Variants in BMF observed in about 807,000 individuals in gnomAD.
The protein encoded by BMF is bcl-2-modifying factor.
In BMF, 10 loss-of-function variants were observed where a neutral mutation model predicts 22.0. The ratio of observed to expected loss-of-function variants is 0.45; its 90% CI spans 0.28 to 0.77. The LOEUF is 0.77. Among genes scored for constraint, BMF ranks in the 30% least tolerant of loss-of-function variants. BMF has a pLI of 0.13. For synonymous variants in BMF, 87 were observed against 88.1 expected, an observed-to-expected ratio of 0.99 and a Z score of 0.07; for missense variants, 206 against 226.8, an observed-to-expected ratio of 0.91 and a Z score of 0.59.
chr15:40,105,667 G>A (rs772115789), intron 3 of BMF, 128 bp downstream of exon 3: 14 of 1,181,560 alleles, frequency 1.2e-5, no homozygotes, highest in Non-Finnish European at 1.7e-5. Flanking sequence ...GCAGGTGGAA[G>A]TCAAGGAATC....
At chr15:40,102,416 C>CAAAAAA (rs71132141) in intron 4 of BMF, among the ~76,000 whole-genome samples, 1 of 95,838 alleles carries the variant, frequency 1.0e-5, no homozygotes. Flanking sequence ...GCGAAAGAGC[C>CAAAAAA]AAAAAAAAAA....
Position 40,089,950 on chromosome 15 carries a change from G to C in BMF, c.*1837C>G, listed in dbSNP as rs2036203172. On this transcript the variant is annotated 3_prime_UTR_variant, in exon 5 of 5. Coordinates refer to ENST00000354670, the MANE Select transcript of BMF (RefSeq NM_001003940.2). Reference sequence around the variant, plus strand: ...AGACAAATCATGGTACACACCCTGAGAATAGAATTCTGACCAAGAAGAGGT... The same window carrying C: ...AGACAAATCATGGTACACACCCTGACAATAGAATTCTGACCAAGAAGAGGT... The C allele has an allele frequency of 6.6e-6, 1 of 152,646 alleles. No homozygotes were observed. Among genetic ancestry groups the C allele is most frequent in the Non-Finnish European group, 1.5e-5 (1 of 68,056 alleles). The allele number at this position is 152,646 out of a possible 1,614,324, so 9.5% of individuals were successfully genotyped here.
At chr15:40,101,147 G>A (rs1190330830) in intron 4 of BMF, among the ~76,000 whole-genome samples, 1 of 152,246 alleles carries the variant, frequency 6.6e-6, no homozygotes, top group Non-Finnish European at 1.5e-5. Flanking sequence ...GGACCAGGCA[G>A]GTGGAGGGAA....
intron 4 of BMF, among the ~76,000 whole-genome samples, chr15:40,096,153 CTTTTTTT>C (rs532459310): frequency 8.7e-6 from 1 of 115,096 alleles, no homozygotes; most frequent in African/African-American, 3.5e-5. Flanking sequence ...AAAAGGCCTC[CTTTTTTT>C]TTTTTTTTTT....
intron 4 of BMF, among the ~76,000 whole-genome samples, chr15:40,096,970 C>T (rs1052794030): frequency 2.0e-5 from 3 of 152,212 alleles, no homozygotes; most frequent in African/African-American, 4.8e-5. Flanking sequence ...GGAAGGTGCA[C>T]AGTCCACGAT....
At chr15:40,104,047 G>A (rs926587946) in intron 4 of BMF, 133 bp downstream of exon 4, 31 of 1,230,782 alleles carry the variant, frequency 2.5e-5, no homozygotes, top group South Asian at 9.7e-5. Context: ...CATGGGAACC[G>A]CCATAACCAA....
intron 4 of BMF, among the ~76,000 whole-genome samples, chr15:40,098,046 C>T (rs1028486464): frequency 3.3e-5 from 5 of 152,242 alleles, no homozygotes; most frequent in Non-Finnish European, 7.4e-5. Context: ...GAACGAGCAA[C>T]GTGGCAAAAC....
intron 4 of BMF, among the ~76,000 whole-genome samples, chr15:40,092,437 A>G (rs1452576216): frequency 6.7e-6 from 1 of 149,074 alleles, no homozygotes; most frequent in African/African-American, 2.5e-5. Flanking sequence ...CAGTGCAAAC[A>G]CGCACACACA....
At chr15:40,095,078 A>G (rs552204695) in intron 4 of BMF, among the ~76,000 whole-genome samples, 62 of 152,304 alleles carry the variant, frequency 4.1e-4, no homozygotes, top group African/African-American at 1.5e-3. Flanking sequence ...GAGCTCCAAC[A>G]ACTGAATTCT....
chr15:40,092,291 C>A lies in BMF; in HGVS notation c.454-403G>T, dbSNP rs591402. 7.9e-5 allele frequency among the ~76,000 whole-genome samples: 12 copies of A among 152,246 alleles called. No homozygotes were observed. The East Asian group carries it at 1.7e-3, about 22-fold the overall frequency. On this transcript the variant is annotated intron_variant, in intron 4 of 4. Coordinates refer to ENST00000354670, the MANE Select transcript of BMF (RefSeq NM_001003940.2). The stretch of plus-strand genomic sequence containing the variant: ...AAGAGAAGAAGTGCCCCCCTCTCTC[C>A]CCCGACTCCAAAGTAACACAGAGAA...
intron 4 of BMF, among the ~76,000 whole-genome samples, chr15:40,096,504 C>T (rs1359581477): frequency 1.3e-5 from 2 of 152,198 alleles, no homozygotes; most frequent in Non-Finnish European, 2.9e-5. Context: ...ATCTCAGATA[C>T]AGAACAGAGC....
intron 4 of BMF, among the ~76,000 whole-genome samples, chr15:40,098,938 T>C (rs1436148984): frequency 6.6e-6 from 1 of 152,168 alleles, no homozygotes. Flanking sequence ...TAGCGAGCGA[T>C]ATAAACAGAG....
chr15:40,100,779 C>T (rs2141030766), intron 4 of BMF, among the ~76,000 whole-genome samples: 1 of 152,358 alleles, frequency 6.6e-6, no homozygotes, highest in East Asian at 1.9e-4. Context: ...CAGGTCGATA[C>T]ACTCAATTGG....
In BMF at chr15:40,090,835, A is replaced by T. The variant is rs1165731529; in HGVS notation, c.*952T>A. On this transcript the variant is annotated 3_prime_UTR_variant, in exon 5 of 5. Transcript: ENST00000354670. ...TGACTCTCATGGTAGGGTGGCCACC[A>T]TATTTTCCGGCCCCACTGCAAACTT... 1 of 152,298 alleles carries T rather than the reference A, an allele frequency of 6.6e-6. No individual in the cohort carries two copies. Among genetic ancestry groups the T allele is most frequent in the African/African-American group, 2.4e-5 (1 of 41,444 alleles). 9.4% of individuals were successfully genotyped at this position (152,298 alleles called of 1,614,324 possible). A position where few individuals can be genotyped will look rare whatever the true frequency, so the allele number is the denominator to read the frequency against.
intron 4 of BMF, among the ~76,000 whole-genome samples, chr15:40,102,328 C>A (rs2036493456): frequency 6.7e-6 from 1 of 148,670 alleles, no homozygotes; most frequent in Non-Finnish European, 1.5e-5. Flanking sequence ...ACTCGGGAGG[C>A]TGAGGCAGGA....
In BMF at chr15:40,091,896, G is replaced by C. The variant is rs1342542193; in HGVS notation, c.454-8C>G. The stretch of plus-strand genomic sequence containing the variant: ...ATTTTGGTTCTGCTGGTGCTGAAGG[G>C]AGAAAAAAAAAAAAGACCAACATAA... On this transcript the variant is annotated splice_region_variant and splice_polypyrimidine_tract_variant and intron_variant, in intron 4 of 4. Coordinates refer to ENST00000354670, the MANE Select transcript of BMF (RefSeq NM_001003940.2). 2 of 1,554,226 alleles carry C rather than the reference G, an allele frequency of 1.3e-6. No individual in the cohort carries two copies. The highest frequency in any genetic ancestry group is 1.7e-6 in the Non-Finnish European group (2 of 1,147,000).
intron 4 of BMF, among the ~76,000 whole-genome samples, chr15:40,093,500 TAGAGTA>T (rs1284314018): frequency 6.6e-6 from 1 of 152,160 alleles, no homozygotes; most frequent in African/African-American, 2.4e-5. Flanking sequence ...AAAATCTGGT[TAGAGTA>T]AAACAGCGTG....
rs2036185541 is a variant in BMF, at chr15:40,089,077, GCCTCCACCGT to G, written c.*2700_*2709del. 2 of 152,604 alleles carry G rather than the reference GCCTCCACCGT, an allele frequency of 1.3e-5. No homozygotes were observed. Among genetic ancestry groups the G allele is most frequent in the Admixed American group, 1.3e-4 (2 of 15,282 alleles). 9.5% of individuals were successfully genotyped at this position (152,604 alleles called of 1,614,324 possible). A position where few individuals can be genotyped will look rare whatever the true frequency, so the allele number is the denominator to read the frequency against. Reference sequence around the variant, plus strand: ...ACCCCCACCCTCAGCAAGCCACAAAGCCTCCACCGTCTTCAGCTGGTTACAGGTCAGGATC... The same window carrying G: ...ACCCCCACCCTCAGCAAGCCACAAAGCTTCAGCTGGTTACAGGTCAGGATC... On this transcript the variant is annotated 3_prime_UTR_variant, in exon 5 of 5. Coordinates refer to ENST00000354670, the MANE Select transcript of BMF (RefSeq NM_001003940.2).
In BMF at chr15:40,088,005, G is replaced by GA. The variant is rs199507219; in HGVS notation, c.*3781_*3782insT. 6.1e-3 allele frequency: 928 copies of GA among 152,548 alleles called. 21 individuals carry two copies. Among genetic ancestry groups the GA allele is most frequent in the Non-Finnish European group, 4.8e-3 (328 of 68,032 alleles). The allele number at this position is 152,548 out of a possible 1,614,324, so 9.4% of individuals were successfully genotyped here. ...CACATAAAGCCAAAGGCTCTGTACA[G>GA]TTTTTTAAAAAATGGGGCCCCTTTC... On this transcript the variant is annotated 3_prime_UTR_variant, in exon 5 of 5. Coordinates refer to ENST00000354670, the MANE Select transcript of BMF (RefSeq NM_001003940.2).
Sources: allele counts gnomAD v4.1 joint callset (sites outside exome capture counted in the v4.1 genomes callset), GRCh38; gene constraint gnomAD v4.1.1; transcripts MANE v1.5; gene names NCBI Gene and HGNC (gene_info 2026-07-23, HGNC 2026-07-21).